Variants in PEX14 observed in about 807,000 individuals in gnomAD.
The protein encoded by PEX14 is peroxisomal membrane protein PEX14.
PEX14 carries 15 observed loss-of-function variants against 49.5 expected under a neutral mutation model. The observed-to-expected ratio is 0.30, with a 90% CI of 0.20 to 0.47. The LOEUF is 0.47. PEX14 is among the 20% of genes least tolerant of loss of function. The pLI, the probability that PEX14 is intolerant of heterozygous loss-of-function variation, is 1.00. For missense variants in PEX14, 398 were observed against 494.8 expected, an observed-to-expected ratio of 0.80 and a Z score of 1.86; for synonymous variants, 210 against 212.7, an observed-to-expected ratio of 0.99 and a Z score of 0.11.
chr1:10,619,858 C>T (rs1319913099), intron 5 of PEX14, among the ~76,000 whole-genome samples: 3 of 151,934 alleles, frequency 2.0e-5, no homozygotes, highest in African/African-American at 7.3e-5. Context: ...GTAATCCCAG[C>T]ACTTTGGGAG....
intron 3 of PEX14, among the ~76,000 whole-genome samples, chr1:10,583,292 T>G (rs1640380654): frequency 1.3e-5 from 2 of 151,638 alleles, no homozygotes; most frequent in African/African-American, 4.8e-5. Flanking sequence ...CAGTCATGGC[T>G]CACTGCAGCC....
chr1:10,568,009 G>C (rs1216398999), intron 3 of PEX14, among the ~76,000 whole-genome samples: 2 of 152,230 alleles, frequency 1.3e-5, no homozygotes, highest in Middle Eastern at 3.4e-3. Context: ...TTTGAAGGCA[G>C]TTTTTACATA....
At chr1:10,544,322 A>G (rs1639105532) in intron 3 of PEX14, among the ~76,000 whole-genome samples, 1 of 152,162 alleles carries the variant, frequency 6.6e-6, no homozygotes, top group Non-Finnish European at 1.5e-5. Context: ...GGCTAAGTTG[A>G]GCTAATACAT....
intron 3 of PEX14, among the ~76,000 whole-genome samples, chr1:10,551,942 A>G (rs1329795527): frequency 1.3e-5 from 2 of 151,986 alleles, no homozygotes; most frequent in African/African-American, 4.8e-5. Context: ...AAAATACAAA[A>G]ATTAGCCGGG....
chr1:10,611,859 C>G (rs906438199), intron 4 of PEX14, among the ~76,000 whole-genome samples: 1 of 152,182 alleles, frequency 6.6e-6, no homozygotes, highest in Non-Finnish European at 1.5e-5. Context: ...ATTGAATTGT[C>G]AGAGCTCTTT....
At chr1:10,518,305 G>A (rs901259611) in intron 2 of PEX14, among the ~76,000 whole-genome samples, 2 of 152,046 alleles carry the variant, frequency 1.3e-5, no homozygotes, top group African/African-American at 2.4e-5. Context: ...TGCCTCCCCC[G>A]GGTGGTGGGC....
chr1:10,545,521 GC>G (rs2124500108), intron 3 of PEX14, among the ~76,000 whole-genome samples: 1 of 152,306 alleles, frequency 6.6e-6, no homozygotes, highest in Admixed American at 6.5e-5. Context: ...TAGTAATGAA[GC>G]CACTTGACTT....
At chr1:10,594,936 G>T (rs527552967) in intron 3 of PEX14, among the ~76,000 whole-genome samples, 1 of 152,260 alleles carries the variant, frequency 6.6e-6, no homozygotes, top group East Asian at 1.9e-4. Flanking sequence ...GATAAAAATA[G>T]GCAAGTGTGG....
intron 4 of PEX14, among the ~76,000 whole-genome samples, chr1:10,617,841 T>G (rs1641471049): frequency 6.6e-6 from 1 of 152,058 alleles, no homozygotes; most frequent in Non-Finnish European, 1.5e-5. Context: ...CCCACCCCCG[T>G]GCCCCCACCC....
intron 2 of PEX14, among the ~76,000 whole-genome samples, chr1:10,522,171 A>G (rs1029574374): frequency 1.3e-5 from 2 of 152,242 alleles, no homozygotes; most frequent in African/African-American, 4.8e-5. Context: ...AGCAGAATTT[A>G]TGAAACTGTT....
chr1:10,616,184 G>A (rs1641410518), intron 4 of PEX14, among the ~76,000 whole-genome samples: 1 of 152,092 alleles, frequency 6.6e-6, no homozygotes, highest in Non-Finnish European at 1.5e-5. Context: ...AGCAGCCCTG[G>A]GGGAGGGGGT....
chr1:10,610,426 TATC>T (rs1641249617), intron 4 of PEX14, among the ~76,000 whole-genome samples: 1 of 150,370 alleles, frequency 6.7e-6, no homozygotes, highest in African/African-American at 2.4e-5. Context: ...GAGAGAGAGA[TATC>T]ATTCTTTTTC....
intron 1 of PEX14, among the ~76,000 whole-genome samples, chr1:10,479,514 T>C (rs1045930630): frequency 2.0e-4 from 31 of 152,212 alleles, no homozygotes; most frequent in African/African-American, 7.2e-4. Context: ...TGAGAAACGT[T>C]ATCTCTATTT....
At chr1:10,616,595 T>C (rs1457941450) in intron 4 of PEX14, among the ~76,000 whole-genome samples, 1 of 152,130 alleles carries the variant, frequency 6.6e-6, no homozygotes, top group East Asian at 1.9e-4. Context: ...CCCCTCCTGA[T>C]GACAGATCCT....
chr1:10,618,166 G>T (rs1284331110), intron 4 of PEX14, among the ~76,000 whole-genome samples, 166 bp from the exon 5 acceptor site: 1 of 152,194 alleles, frequency 6.6e-6, no homozygotes, highest in African/African-American at 2.4e-5. Flanking sequence ...GAGGGGTGGA[G>T]CCGGCTGCTG....
At chr1:10,552,209 C>T (rs1052414865) in intron 3 of PEX14, among the ~76,000 whole-genome samples, 1 of 152,106 alleles carries the variant, frequency 6.6e-6, no homozygotes, top group African/African-American at 2.4e-5. Flanking sequence ...TTTGGGAGGC[C>T]GAGACGGGCA....
intron 3 of PEX14, among the ~76,000 whole-genome samples, chr1:10,584,277 G>A (rs1005936961): frequency 6.6e-6 from 1 of 152,176 alleles, no homozygotes; most frequent in Non-Finnish European, 1.5e-5. Flanking sequence ...GGCAAGATTA[G>A]GAGTTCAGTG....
At chr1:10,565,780 G>C (rs1009634334) in intron 3 of PEX14, among the ~76,000 whole-genome samples, 2 of 152,194 alleles carry the variant, frequency 1.3e-5, no homozygotes, top group Non-Finnish European at 2.9e-5. Context: ...TTGGGAGGCT[G>C]AGGCAGGAGG....
rs1638929788 is a variant in PEX14, at chr1:10,539,187, G to C, written c.169+2890G>C. Among the ~76,000 whole-genome samples, 1 of 152,126 alleles carries C rather than the reference G, an allele frequency of 6.6e-6. No homozygotes were observed. Among genetic ancestry groups the C allele is most frequent in the Non-Finnish European group, 1.5e-5 (1 of 68,016 alleles). On this transcript the variant is annotated intron_variant, in intron 3 of 8. Coordinates refer to ENST00000356607, the MANE Select transcript of PEX14 (RefSeq NM_004565.3). This position sits in a 1 kb window ranked among gnomAD's most constrained non-coding sequence, Gnocchi z 4.6. ...AGTGTTGTGCTCTGTGACTTCTGGT[G>C]GGGGTGCTGGGTGAGGGTGAGTAGG...
Sources: gnomAD v4.1 joint callset for allele counts (sites outside exome capture counted in the v4.1 genomes callset) on GRCh38, gnomAD v4.1.1 for gene constraint, Gnocchi (gnomAD v3.1) non-coding constraint, MANE v1.5 for transcripts, NCBI Gene and HGNC (gene_info 2026-07-23, HGNC 2026-07-21) for gene names.